Variants in ENOX2 observed in about 807,000 individuals in gnomAD.
ENOX2 encodes the protein APK1 antigen.
ENOX2 carries 36 observed loss-of-function variants against 45.0 expected under a neutral mutation model. That is an observed-to-expected ratio of 0.80 (90% CI 0.61 to 1.06). ENOX2 has a LOEUF of 1.06. Among genes scored for constraint, ENOX2 ranks in the 50% least tolerant of loss-of-function variants. The pLI is 0.00. For missense variants in ENOX2, 423 were observed against 462.5 expected (o/e 0.91, Z 0.78); for synonymous variants, 174 against 152.3 (o/e 1.14, Z -1.05).
rs145459304 is a variant in ENOX2, at chrX:130,872,277, T to C, written c.-183+29407A>G. On this transcript the variant is annotated intron_variant, in intron 2 of 14. Coordinates refer to ENST00000394363, the MANE Select transcript of ENOX2 (RefSeq NM_006375.4). ...GCTATAGGAACTTATTTAAGGTTGC[T>C]TAAAAAATTCTCATGGATGAAACAG... Among the ~76,000 whole-genome samples the C allele has an allele frequency of 9.8e-5, 11 of 112,811 alleles. No homozygotes were observed. The East Asian group carries it at 3.1e-3, about 32-fold the overall frequency.
intron 2 of ENOX2, among the ~76,000 whole-genome samples, chrX:130,847,549 A>C (rs1488457157): frequency 8.9e-6 from 1 of 111,808 alleles, no homozygotes; most frequent in East Asian, 2.8e-4. Flanking sequence ...ATCCATAGAA[A>C]AATCAGGACT....
intron 2 of ENOX2, among the ~76,000 whole-genome samples, chrX:130,887,443 G>A (rs2078926187): frequency 9.1e-6 from 1 of 110,098 alleles, no homozygotes; most frequent in Non-Finnish European, 1.9e-5. Flanking sequence ...CTCCAGCCGA[G>A]CAACTGAGCT....
rs371399679 is a variant in ENOX2, at chrX:130,861,037, T to G, written c.-183+40647A>C. ...CCAACATCACTCATCATCAGAGAAATGCAAATCAAAACCACAATGAGGTAT... is the reference window on the plus strand; with the variant it reads ...CCAACATCACTCATCATCAGAGAAAGGCAAATCAAAACCACAATGAGGTAT... On this transcript the variant is annotated intron_variant, in intron 2 of 14. Transcript: ENST00000394363. 2.8e-4 allele frequency among the ~76,000 whole-genome samples: 31 copies of G among 111,278 alleles called. 2 individuals carry two copies. Among genetic ancestry groups the G allele is most frequent in the Admixed American group, 2.5e-3 (26 of 10,457 alleles).
At chrX:130,856,891 C>T (rs1163020653) in intron 2 of ENOX2, among the ~76,000 whole-genome samples, 4 of 110,614 alleles carry the variant, frequency 3.6e-5, no homozygotes, top group African/African-American at 1.3e-4. Context: ...AAGAAGAAAC[C>T]CCACAGGATA....
intron 2 of ENOX2, among the ~76,000 whole-genome samples, chrX:130,857,151 G>A (rs1042807262): frequency 1.8e-5 from 2 of 111,918 alleles, no homozygotes; most frequent in African/African-American, 6.5e-5. Context: ...TACTGATAAC[G>A]CTCAACAACA....
chrX:130,702,018 C>T (rs1283932948), intron 4 of ENOX2, among the ~76,000 whole-genome samples: 1 of 110,884 alleles, frequency 9.0e-6, no homozygotes, highest in Non-Finnish European at 1.9e-5. Flanking sequence ...TGTTTGGTTG[C>T]TTTTATGCTT....
At chrX:130,669,862 A>G in intron 7 of ENOX2, 103 bp downstream of exon 7, 1 of 584,008 alleles carries the variant, frequency 1.7e-6, no homozygotes, top group Non-Finnish European at 2.8e-6. Flanking sequence ...AGAATCCATT[A>G]GTAGGAAACT....
At chrX:130,699,155 G>A (rs754281504) in intron 4 of ENOX2, among the ~76,000 whole-genome samples, 2 of 112,156 alleles carry the variant, frequency 1.8e-5, no homozygotes, top group South Asian at 3.7e-4. Context: ...CCAGCCAGAG[G>A]GGACCTCCTG....
chrX:130,681,710 T>C (rs2037305901), intron 5 of ENOX2, among the ~76,000 whole-genome samples: 1 of 112,176 alleles, frequency 8.9e-6, no homozygotes, highest in South Asian at 3.7e-4. Flanking sequence ...TAACCGATAA[T>C]ATACTGTCTA....
rs973909852 is a variant in ENOX2, at chrX:130,694,987, A to G, written c.98-5969T>C. Among the ~76,000 whole-genome samples the G allele has an allele frequency of 2.7e-5, 3 of 111,803 alleles. No individual in the cohort carries two copies. In the Admixed American group the frequency reaches 2.8e-4, roughly 11 times the overall value. Reference sequence around the variant, plus strand: ...ACAACAATCCTAAGGGATGGGAAATAATATTCCCTATTTTACAGATGAGGA... The same window carrying G: ...ACAACAATCCTAAGGGATGGGAAATGATATTCCCTATTTTACAGATGAGGA... On this transcript the variant is annotated intron_variant, in intron 4 of 14. Transcript: ENST00000394363.
intron 3 of ENOX2, among the ~76,000 whole-genome samples, chrX:130,763,705 T>C (rs1037003233): frequency 9.0e-6 from 1 of 110,797 alleles, no homozygotes; most frequent in African/African-American, 3.3e-5. Flanking sequence ...CTCATCTCTA[T>C]AAAAATAAAA....
chrX:130,662,390 C>T (rs769788554), intron 9 of ENOX2, among the ~76,000 whole-genome samples: 1 of 112,160 alleles, frequency 8.9e-6, no homozygotes, highest in African/African-American at 3.2e-5. Context: ...AAGGAACAGG[C>T]ACTTTGTGAC....
At chrX:130,637,166 C>G in intron 11 of ENOX2, 63 bp downstream of exon 11, 2 of 957,416 alleles carry the variant, frequency 2.1e-6, no homozygotes, top group South Asian at 2.0e-5. Flanking sequence ...GCAGGGGACC[C>G]TTTTATAGGT....
intron 3 of ENOX2, among the ~76,000 whole-genome samples, chrX:130,736,200 C>T (rs2038856773): frequency 1.8e-5 from 2 of 110,712 alleles, no homozygotes; most frequent in Non-Finnish European, 1.9e-5. Context: ...ACCGTCTCTA[C>T]TAAAAATACA....
chrX:130,712,631 C>A (rs1448611627), intron 3 of ENOX2, among the ~76,000 whole-genome samples: 1 of 111,291 alleles, frequency 9.0e-6, no homozygotes, highest in Admixed American at 9.5e-5. Context: ...CACATGCAGG[C>A]AGCTTACCCT....
chrX:130,672,942 G>C (rs2148133300), intron 6 of ENOX2, among the ~76,000 whole-genome samples: 1 of 111,664 alleles, frequency 9.0e-6, no homozygotes. Flanking sequence ...ACTCTCCCTG[G>C]GCTGAATAGG....
At chrX:130,786,372 G>A (rs960749894) in intron 2 of ENOX2, among the ~76,000 whole-genome samples, 7 of 111,013 alleles carry the variant, frequency 6.3e-5, no homozygotes, top group African/African-American at 9.9e-5. Flanking sequence ...GATTAATGAC[G>A]GTGAAACAGA....
chrX:130,735,683 T>C (rs925393851), intron 3 of ENOX2, among the ~76,000 whole-genome samples: 2 of 111,921 alleles, frequency 1.8e-5, no homozygotes, highest in African/African-American at 6.5e-5. Context: ...TATTATGGCA[T>C]TGCTATAAGA....
At position 130,633,191 on chromosome X, in the gene ENOX2, T is replaced by C. The variant is rs140082331; in HGVS notation, c.1420-1615A>G. Among the ~76,000 whole-genome samples the C allele has an allele frequency of 5.5e-3, 617 of 112,038 alleles. 7 individuals carry two copies. The highest frequency in any genetic ancestry group is 0.019 in the African/African-American group (581 of 30,867). On this transcript the variant is annotated intron_variant, in intron 12 of 14. Transcript: ENST00000394363. The stretch of plus-strand genomic sequence containing the variant: ...ACAGACATAAGTCACACTGTTATAC[T>C]GCAAAACACTGACAATAACTCACCC...
Sources: gnomAD v4.1 joint callset for allele counts (sites outside exome capture counted in the v4.1 genomes callset) on GRCh38, gnomAD v4.1.1 for gene constraint, MANE v1.5 for transcripts, NCBI Gene and HGNC (gene_info 2026-07-23, HGNC 2026-07-21) for gene names.